Variants in EIF2S2 observed in about 807,000 individuals in gnomAD.
The protein encoded by EIF2S2 is eukaryotic translation initiation factor 2 subunit 2.
A neutral mutation model predicts 44.0 loss-of-function variants in EIF2S2; 4 were observed. The observed-to-expected ratio is 0.09, with a 90% confidence interval of 0.04 to 0.21. EIF2S2 has a LOEUF of 0.21. Among genes scored for constraint, EIF2S2 ranks in the 10% least tolerant of loss-of-function variants. The pLI, the probability that EIF2S2 is intolerant of heterozygous loss-of-function variation, is 1.00. For missense variants in EIF2S2, 154 were observed against 392.0 expected, an observed-to-expected ratio of 0.39 and a Z score of 5.13; for synonymous variants, 108 against 128.3, an observed-to-expected ratio of 0.84 and a Z score of 1.07.
At chr20:34,093,825 T>G in intron 6 of EIF2S2, 94 bp from the exon 7 acceptor site, 1 of 1,147,776 alleles carries the variant, frequency 8.7e-7, no homozygotes, top group South Asian at 1.5e-5. Context: ...CTGTGATTAT[T>G]TAGCTATTAA....
Position 34,097,465 on chromosome 20 carries a change from T to G in EIF2S2, c.485A>C (p.Gln162Pro). 6.2e-7 allele frequency: 1 copy of G among 1,613,868 alleles called. No homozygotes were observed. Among genetic ancestry groups the G allele is most frequent in the Non-Finnish European group, 8.5e-7 (1 of 1,179,936 alleles). Residue 162 changes from glutamine (Q) to proline (P), a missense_variant, in exon 5 of 9, where the codon CAG becomes CCG. Gln to Pro is a moderately conservative substitution (Grantham distance 76). Around this residue, in one of 2 missense-constraint regions of EIF2S2, gnomAD observed 134 missense variants for 225.0 expected, o/e 0.60. Coordinates refer to ENST00000374980, the MANE Select transcript of EIF2S2 (RefSeq NM_003908.5). ...KKDDGISFSN[Q>P]TGPAWAGSER... ...TGAGCCTGCCCAAGCAGGGCCTGTCTGATTACTGAATGAGATACCATCATC... is the reference window on the plus strand; with the variant it reads ...TGAGCCTGCCCAAGCAGGGCCTGTCGGATTACTGAATGAGATACCATCATC...
At chr20:34,092,616 G>A (rs146277266) in intron 7 of EIF2S2, among the ~76,000 whole-genome samples, 2,007 of 152,252 alleles carry the variant, frequency 0.013, 14 homozygotes, top group Non-Finnish European at 0.021. Flanking sequence ...GCAGTGAGCC[G>A]AGACTGTGCC....
intron 7 of EIF2S2, 65 bp downstream of exon 7, chr20:34,093,610 C>G: frequency 7.1e-7 from 1 of 1,403,736 alleles, no homozygotes; most frequent in Non-Finnish European, 9.8e-7. Context: ...GTTACATATC[C>G]TTTTCAAGAA....
In EIF2S2 at chr20:34,093,701, T is replaced by G. The variant is rs767682884; in HGVS notation, c.714A>C (p.Ala238=). 1 of 1,609,054 alleles carries G rather than the reference T, an allele frequency of 6.2e-7. No homozygotes were observed. Reference sequence around the variant, plus strand: ...TTGTACCCAATTCAGCCAACAAAAATGCAAGGAGATGTTTGGGCTGACGAT... The same window carrying G: ...TTGTACCCAATTCAGCCAACAAAAAGGCAAGGAGATGTTTGGGCTGACGAT... ...LLHRQPKHLL[A]FLLAELGTSG... The change falls in exon 7 of 9, where the codon GCA becomes GCC. Residue 238 remains alanine, a synonymous_variant. Coordinates refer to ENST00000374980, the MANE Select transcript of EIF2S2 (RefSeq NM_003908.5).
At chr20:34,090,473 G>T in intron 8 of EIF2S2, 44 bp downstream of exon 8, 1 of 1,238,946 alleles carries the variant, frequency 8.1e-7, no homozygotes, top group Non-Finnish European at 1.1e-6. Context: ...GCAGCCTCAT[G>T]AGAACATTTC....
intron 1 of EIF2S2, among the ~76,000 whole-genome samples, chr20:34,106,445 T>C (rs1234352818): frequency 9.9e-6 from 1 of 100,694 alleles, no homozygotes. Context: ...TTTTTTTTTT[T>C]AAATGAAACA....
intron 5 of EIF2S2, 66 bp from the exon 6 acceptor site, chr20:34,096,871 A>T: frequency 6.7e-7 from 1 of 1,494,036 alleles, no homozygotes; most frequent in Non-Finnish European, 9.0e-7. Context: ...TTCCCCTTTG[A>T]GTCATGTTGC....
intron 6 of EIF2S2, 25 bp downstream of exon 6, chr20:34,096,632 G>A (rs1480995651): frequency 6.4e-7 from 1 of 1,564,338 alleles, no homozygotes; most frequent in Non-Finnish European, 8.6e-7. Context: ...CATTTGGGAT[G>A]AAGGTACTCC....
At chr20:34,092,707 C>T (rs953388792) in intron 7 of EIF2S2, among the ~76,000 whole-genome samples, 2 of 152,090 alleles carry the variant, frequency 1.3e-5, no homozygotes, top group Admixed American at 1.3e-4. Context: ...AATTCTTCTA[C>T]AACAGAGCCT....
intron 6 of EIF2S2, among the ~76,000 whole-genome samples, chr20:34,095,286 T>A (rs903727266): frequency 1.0e-3 from 158 of 151,100 alleles, no homozygotes; most frequent in African/African-American, 3.6e-3. Context: ...AGAAAAATAT[T>A]AAACTATGAT....
chr20:34,107,480 T>G (rs2034362484), intron 1 of EIF2S2, among the ~76,000 whole-genome samples: 1 of 152,188 alleles, frequency 6.6e-6, no homozygotes, highest in Non-Finnish European at 1.5e-5. Flanking sequence ...ACAAGGTTAC[T>G]GGGAGGGTTA....
intron 1 of EIF2S2, among the ~76,000 whole-genome samples, chr20:34,108,470 A>G (rs933230667): frequency 6.6e-6 from 1 of 152,226 alleles, no homozygotes; most frequent in African/African-American, 2.4e-5. Flanking sequence ...AGGCCATGTT[A>G]GTCTTGACTA....
intron 8 of EIF2S2, among the ~76,000 whole-genome samples, chr20:34,090,306 A>G (rs1024213108): frequency 2.6e-5 from 4 of 152,254 alleles, no homozygotes; most frequent in Non-Finnish European, 4.4e-5. Flanking sequence ...AGCAGCTTCA[A>G]TCAGCTGGGC....
At chr20:34,101,938 G>A (rs550489778) in intron 3 of EIF2S2, among the ~76,000 whole-genome samples, 2 of 152,198 alleles carry the variant, frequency 1.3e-5, no homozygotes, top group South Asian at 4.1e-4. Flanking sequence ...GCCTCCCAAA[G>A]TGCTGGGATT....
In EIF2S2 at chr20:34,093,716, G is replaced by A. The variant is rs750524624; in HGVS notation, c.699C>T (p.Pro233=). The stretch of plus-strand genomic sequence containing the variant: ...CCAACAAAAATGCAAGGAGATGTTT[G>A]GGCTGACGATGTAATCTAAAAAGAA... The part of the protein sequence containing the change: ...TDICKLLHRQ[P]KHLLAFLLAE... Residue 233 remains proline, a synonymous_variant, in exon 7 of 9, where the codon CCC becomes CCT. Coordinates refer to ENST00000374980, the MANE Select transcript of EIF2S2 (RefSeq NM_003908.5). The A allele has an allele frequency of 3.1e-5, 50 of 1,607,606 alleles. No individual in the cohort carries two copies. In the Admixed American group the frequency reaches 3.4e-4, roughly 11 times the overall value.
At chr20:34,090,678 T>C in intron 7 of EIF2S2, 76 bp from the exon 8 acceptor site, 1 of 811,008 alleles carries the variant, frequency 1.2e-6, no homozygotes, top group South Asian at 1.9e-5. Context: ...CCTTTAAACT[T>C]AATGAACTTA....
At chr20:34,093,953 T>C (rs1038781967) in intron 6 of EIF2S2, among the ~76,000 whole-genome samples, 1 of 152,192 alleles carries the variant, frequency 6.6e-6, no homozygotes, top group Non-Finnish European at 1.5e-5. Context: ...AGTGCAGTGA[T>C]GATCATAGCT....
chr20:34,089,992 TC>T, intron 8 of EIF2S2, 87 bp from the exon 9 acceptor site: 1 of 1,430,294 alleles, frequency 7.0e-7, no homozygotes, highest in Non-Finnish European at 9.7e-7. Context: ...TACAAAGAAC[TC>T]CACAAGCCCA....
intron 5 of EIF2S2, 81 bp downstream of exon 5, chr20:34,097,335 C>T: frequency 1.7e-6 from 2 of 1,197,282 alleles, no homozygotes; most frequent in Non-Finnish European, 2.4e-6. Flanking sequence ...ACTTCAACGG[C>T]CGTTCCAATA....
Sources: gnomAD v4.1 joint callset for allele counts (sites outside exome capture counted in the v4.1 genomes callset) on GRCh38, gnomAD v4.1.1 for gene constraint, gnomAD v4.1.1 regional missense constraint, MANE v1.5 for transcripts, NCBI Gene and HGNC (gene_info 2026-07-23, HGNC 2026-07-21) for gene names.